Variants in FOXP1 observed in about 807,000 individuals in gnomAD.
FOXP1 encodes the protein forkhead box P1, also known as forkhead box protein P1.
A neutral mutation model predicts 98.2 loss-of-function variants in FOXP1; 15 were observed. The ratio of observed to expected loss-of-function variants is 0.15; its 90% CI spans 0.10 to 0.24. FOXP1 has a LOEUF of 0.24. Ranked by LOEUF, FOXP1 falls within the 10% of genes least tolerant of loss-of-function variation. FOXP1 has a pLI of 1.00. For synonymous variants in FOXP1, 371 were observed against 314.5 expected (o/e 1.18, Z -1.90); for missense variants, 633 against 848.5 (o/e 0.75, Z 3.15).
chr3:71,076,209 G>A (rs2053791865), intron 7 of FOXP1, among the ~76,000 whole-genome samples: 1 of 152,152 alleles, frequency 6.6e-6, no homozygotes, highest in East Asian at 1.9e-4. Flanking sequence ...GCTCCAGAGA[G>A]GGCTCAGCTT....
At chr3:71,196,081 G>A (rs11706163) in intron 6 of FOXP1, among the ~76,000 whole-genome samples, 1,937 of 152,240 alleles carry the variant, frequency 0.013, 21 homozygotes, top group Non-Finnish European at 0.021. Context: ...AATACAGGGG[G>A]TTTTAGCCAC....
chr3:71,470,491 G>C (rs947976722), intron 3 of FOXP1, among the ~76,000 whole-genome samples: 2 of 152,150 alleles, frequency 1.3e-5, no homozygotes, highest in African/African-American at 4.8e-5. Context: ...TTTAATCCCA[G>C]CACTTTGGGA....
At chr3:71,253,063 T>C (rs2107083423) in intron 5 of FOXP1, among the ~76,000 whole-genome samples, 1 of 152,294 alleles carries the variant, frequency 6.6e-6, no homozygotes, top group East Asian at 1.9e-4. Flanking sequence ...TGTTTCCAGG[T>C]ACTGGGCCAA....
At chr3:71,531,607 A>G (rs900796473) in intron 2 of FOXP1, among the ~76,000 whole-genome samples, 1 of 152,234 alleles carries the variant, frequency 6.6e-6, no homozygotes, top group East Asian at 1.9e-4. Context: ...CAATGTTCTC[A>G]TGACCATCTT....
At chr3:71,264,423 T>A (rs906067015) in intron 5 of FOXP1, among the ~76,000 whole-genome samples, 2 of 152,152 alleles carry the variant, frequency 1.3e-5, no homozygotes, top group Admixed American at 6.5e-5. Flanking sequence ...AATTCCAGAG[T>A]GCACTCAAAT....
intron 6 of FOXP1, among the ~76,000 whole-genome samples, chr3:71,137,800 T>TA (rs10622495): frequency 0.024 from 310 of 12,922 alleles, no homozygotes; most frequent in East Asian, 0.15. Flanking sequence ...TTATTATTAT[T>TA]TTTTTTTTTT....
chr3:71,184,357 G>A (rs982134237), intron 6 of FOXP1, among the ~76,000 whole-genome samples: 4 of 152,116 alleles, frequency 2.6e-5, no homozygotes, highest in African/African-American at 9.7e-5. Context: ...CCCTATAAGG[G>A]GTTGTCTGTG....
chr3:71,315,192 C>T (rs1315215831), intron 4 of FOXP1, among the ~76,000 whole-genome samples: 1 of 150,918 alleles, frequency 6.6e-6, no homozygotes, highest in African/African-American at 2.4e-5. Context: ...TATTTAATTG[C>T]TAAGGCACTT....
chr3:70,977,729 A>G lies in FOXP1; in HGVS notation c.1349-7T>C. On this transcript the variant is annotated splice_polypyrimidine_tract_variant and splice_region_variant and intron_variant, in intron 15 of 20. Coordinates refer to ENST00000649528, the MANE Select transcript of FOXP1 (RefSeq NM_001349338.3). ...TGGTTCTGCGCAATATCTGCTGAATAAGAATCATTGTCCTATTAATTATCA... is the reference window on the plus strand; with the variant it reads ...TGGTTCTGCGCAATATCTGCTGAATGAGAATCATTGTCCTATTAATTATCA... The G allele has an allele frequency of 6.2e-7, 1 of 1,614,024 alleles. No individual in the cohort carries two copies.
rs138967615 is a variant in FOXP1, at chr3:70,956,565, T to C, written c.*2682A>G. 8.1e-4 allele frequency: 186 copies of C among 229,986 alleles called. 2 individuals carry two copies. The East Asian group carries it at 0.011, about 14-fold the overall frequency. The allele number at this position is 229,986 out of a possible 1,614,324, so 14.2% of individuals were successfully genotyped here. A position where few individuals can be genotyped will look rare whatever the true frequency, so the allele number is the denominator to read the frequency against. On this transcript the variant is annotated 3_prime_UTR_variant, in exon 21 of 21. Transcript: ENST00000649528. ...GTACTAACAGTTTCTCATGCTGTTA[T>C]CTTTACTCATGTCTAGCTACACATG...
chr3:71,264,184 G>A (rs1184679948), intron 5 of FOXP1, among the ~76,000 whole-genome samples: 1 of 152,174 alleles, frequency 6.6e-6, no homozygotes, highest in African/African-American at 2.4e-5. Context: ...ACCCAATGGA[G>A]AATTTAAAGC....
chr3:71,157,449 C>T (rs1426966259), intron 6 of FOXP1, among the ~76,000 whole-genome samples: 2 of 152,060 alleles, frequency 1.3e-5, no homozygotes, highest in African/African-American at 2.4e-5. Flanking sequence ...GGAATGTTAC[C>T]GACATACCTG....
At chr3:71,050,648 C>T (rs2049758844) in intron 9 of FOXP1, among the ~76,000 whole-genome samples, 3 of 152,226 alleles carry the variant, frequency 2.0e-5, no homozygotes, top group African/African-American at 2.4e-5. Context: ...TAACCATTTC[C>T]TGTGATCATG....
At chr3:71,018,388 T>G (rs944545080) in intron 11 of FOXP1, among the ~76,000 whole-genome samples, 7 of 152,174 alleles carry the variant, frequency 4.6e-5, no homozygotes, top group Non-Finnish European at 1.0e-4. Context: ...TGTGAATTTG[T>G]CTCTTAGTTA....
chr3:71,580,910 C>G, intron 2 of FOXP1: 1 of 985,232 alleles, frequency 1.0e-6, no homozygotes. Context: ...AGAGCAGTGA[C>G]AAAAAAGAAA....
intron 7 of FOXP1, among the ~76,000 whole-genome samples, chr3:71,064,373 G>C (rs1214079998): frequency 6.6e-6 from 1 of 152,124 alleles, no homozygotes; most frequent in Non-Finnish European, 1.5e-5. Context: ...CCCCAGATAC[G>C]TCCCCCGAAC....
At chr3:71,426,322 T>C (rs1210071251) in intron 3 of FOXP1, among the ~76,000 whole-genome samples, 1 of 152,184 alleles carries the variant, frequency 6.6e-6, no homozygotes, top group Non-Finnish European at 1.5e-5. Flanking sequence ...AAACTCTTGT[T>C]AGATGGGAGT....
intron 3 of FOXP1, among the ~76,000 whole-genome samples, chr3:71,423,008 A>G (rs78515776): frequency 0.033 from 5,061 of 152,246 alleles, 279 homozygotes; most frequent in African/African-American, 0.11. Context: ...AGGAGCCAGG[A>G]AAGAGCTGCC....
At chr3:71,433,815 C>T (rs975594683) in intron 3 of FOXP1, among the ~76,000 whole-genome samples, 2 of 152,130 alleles carry the variant, frequency 1.3e-5, no homozygotes, top group African/African-American at 4.8e-5. Flanking sequence ...ATGCCCTGGT[C>T]GGCAGGCAAG....
Sources: gnomAD v4.1 joint callset for allele counts (sites outside exome capture counted in the v4.1 genomes callset) on GRCh38, gnomAD v4.1.1 for gene constraint, MANE v1.5 for transcripts, NCBI Gene and HGNC (gene_info 2026-07-23, HGNC 2026-07-21) for gene names.